The following TRABD2B variants were observed in gnomAD, a reference collection of about 807,000 sequenced individuals.
TRABD2B encodes the protein TraB domain containing 2B.
Under a neutral mutation model 40.1 loss-of-function variants are expected in TRABD2B, and 14 were observed. The observed-to-expected ratio is 0.35, with a 90% CI of 0.23 to 0.55. TRABD2B has a LOEUF of 0.55. TRABD2B is among the 20% of genes least tolerant of loss of function. The pLI is 0.90. For synonymous variants in TRABD2B, 263 were observed against 277.0 expected (o/e 0.95, Z 0.50); for missense variants, 541 against 648.6 (o/e 0.83, Z 1.80).
chr1:47,825,126 T>G (rs1375024241), intron 2 of TRABD2B, among the ~76,000 whole-genome samples: 6 of 152,198 alleles, frequency 3.9e-5, no homozygotes, highest in Non-Finnish European at 8.8e-5. Context: ...CAGAACAACA[T>G]GAGCAGGAAT....
chr1:47,837,185 T>A (rs936266384), intron 2 of TRABD2B, among the ~76,000 whole-genome samples: 1 of 152,056 alleles, frequency 6.6e-6, no homozygotes, highest in Non-Finnish European at 1.5e-5. Context: ...GCTGGTGGGA[T>A]CCAACCCTCT....
rs551897499 is a variant in TRABD2B at position 47,876,823 on chromosome 1, T to C, written c.667-75204A>G. Among the ~76,000 whole-genome samples the C allele has an allele frequency of 7.0e-4, 107 of 152,302 alleles. 1 individual carries two copies. The highest frequency in any genetic ancestry group is 3.4e-3 in the Middle Eastern group (1 of 292). ...TACGCACATACTAAGCACCAACTGTTTGCCAGGCACTGGGCTACATGCTAG... is the reference window on the plus strand; with the variant it reads ...TACGCACATACTAAGCACCAACTGTCTGCCAGGCACTGGGCTACATGCTAG... On this transcript the variant is annotated intron_variant, in intron 2 of 6. Coordinates refer to ENST00000606738, the MANE Select transcript of TRABD2B (RefSeq NM_001194986.2).
At position 47,934,237 on chromosome 1, in the gene TRABD2B, T is replaced by A. The variant is rs147318253; in HGVS notation, c.666+59797A>T. ...GGAGACTGCACAGCAGGTCCCTGAC[T>A]CCCCAGTCTCTGGTTCATCCCACCA... On this transcript the variant is annotated intron_variant, in intron 2 of 6. Transcript: ENST00000606738. 3.3e-5 allele frequency among the ~76,000 whole-genome samples: 5 copies of A among 152,334 alleles called. No homozygotes were observed. In the East Asian group the frequency reaches 9.6e-4, roughly 29 times the overall value.
chr1:47,810,968 C>T (rs970275009), intron 2 of TRABD2B, among the ~76,000 whole-genome samples: 1 of 152,182 alleles, frequency 6.6e-6, no homozygotes, highest in Non-Finnish European at 1.5e-5. Flanking sequence ...GGTGATGCTG[C>T]GTCAGCTCAT....
intron 2 of TRABD2B, among the ~76,000 whole-genome samples, chr1:47,852,213 G>A (rs529325807): frequency 2.0e-4 from 30 of 152,242 alleles, no homozygotes; most frequent in Admixed American, 1.6e-3. Flanking sequence ...CCCAGACTGC[G>A]GCCTGAGATA....
intron 2 of TRABD2B, among the ~76,000 whole-genome samples, chr1:47,966,953 G>A (rs1026550052): frequency 5.5e-5 from 4 of 72,354 alleles, no homozygotes; most frequent in Admixed American, 1.3e-4. Context: ...TAAAATAATC[G>A]GGTCAATCCT....
At chr1:47,771,768 C>T (rs1488111129) in intron 6 of TRABD2B, among the ~76,000 whole-genome samples, 1 of 152,234 alleles carries the variant, frequency 6.6e-6, no homozygotes, top group East Asian at 1.9e-4. Flanking sequence ...GCTTCGTCTG[C>T]CCTTTCCATG....
At chr1:47,925,685 C>T (rs1326700861) in intron 2 of TRABD2B, among the ~76,000 whole-genome samples, 2 of 152,244 alleles carry the variant, frequency 1.3e-5, no homozygotes, top group Non-Finnish European at 2.9e-5. Context: ...GTAAGTGTTT[C>T]TCTCAGAGTT....
At chr1:47,873,872 T>C (rs867460677) in intron 2 of TRABD2B, among the ~76,000 whole-genome samples, 2 of 152,140 alleles carry the variant, frequency 1.3e-5, no homozygotes, top group African/African-American at 4.8e-5. Context: ...ATAAAGTAGG[T>C]GTTTGCTTTT....
chr1:47,895,722 T>C (rs1018628714), intron 2 of TRABD2B, among the ~76,000 whole-genome samples: 5 of 152,216 alleles, frequency 3.3e-5, no homozygotes, highest in African/African-American at 2.4e-5. Flanking sequence ...TCTCCTGGAA[T>C]GACAGTGCCA....
At chr1:47,797,497 T>A (rs1195797803) in intron 3 of TRABD2B, among the ~76,000 whole-genome samples, 1 of 152,176 alleles carries the variant, frequency 6.6e-6, no homozygotes, top group Non-Finnish European at 1.5e-5. Context: ...CCTCCTCCTA[T>A]GCTTCCTGAC....
At chr1:47,820,222 G>A (rs1343390702) in intron 2 of TRABD2B, 1 of 152,204 alleles carries the variant, frequency 6.6e-6, no homozygotes, top group African/African-American at 2.4e-5. Flanking sequence ...CTCAATAAAT[G>A]TCGTGTGAAC....
intron 2 of TRABD2B, among the ~76,000 whole-genome samples, chr1:47,977,149 T>G (rs1388597799): frequency 1.3e-5 from 2 of 151,590 alleles, no homozygotes; most frequent in Non-Finnish European, 2.9e-5. Context: ...CTTGGCTCAC[T>G]GCAACCTCTG....
intron 2 of TRABD2B, among the ~76,000 whole-genome samples, chr1:47,912,109 A>G (rs1644770990): frequency 6.6e-6 from 1 of 152,246 alleles, no homozygotes; most frequent in South Asian, 2.1e-4. Flanking sequence ...TGGGGATCAG[A>G]GGCCAGAGGT....
chr1:47,871,516 G>A (rs543657934), intron 2 of TRABD2B, among the ~76,000 whole-genome samples: 2 of 152,312 alleles, frequency 1.3e-5, no homozygotes, highest in African/African-American at 4.8e-5. Context: ...TGAATGAACC[G>A]CCCTGAATGG....
intron 2 of TRABD2B, among the ~76,000 whole-genome samples, chr1:47,882,667 G>A (rs1385091783): frequency 6.6e-6 from 1 of 152,128 alleles, no homozygotes; most frequent in East Asian, 1.9e-4. Flanking sequence ...AAGGCCCTGG[G>A]TTTCAGTCCT....
At chr1:47,983,055 T>C (rs1353381555) in intron 2 of TRABD2B, among the ~76,000 whole-genome samples, 1 of 152,180 alleles carries the variant, frequency 6.6e-6, no homozygotes, top group Non-Finnish European at 1.5e-5. Context: ...GCAGCACTAT[T>C]CACAATAGCA....
At chr1:47,950,277 T>G (rs1183812890) in intron 2 of TRABD2B, among the ~76,000 whole-genome samples, 1 of 151,326 alleles carries the variant, frequency 6.6e-6, no homozygotes, top group African/African-American at 2.4e-5. Context: ...AGAGCAAGAC[T>G]CCGTCTCAAA....
rs556936446 is a variant in TRABD2B at position 47,950,242 on chromosome 1, G to A, written c.666+43792C>T. ...AGAGCTTGCAGTGAGCCGAGATCGGGCCACTGCACTCCAGCTTGGGCGATA... is the reference window on the plus strand; with the variant it reads ...AGAGCTTGCAGTGAGCCGAGATCGGACCACTGCACTCCAGCTTGGGCGATA... On this transcript the variant is annotated intron_variant, in intron 2 of 6. Coordinates refer to ENST00000606738, the MANE Select transcript of TRABD2B (RefSeq NM_001194986.2). Among the ~76,000 whole-genome samples the A allele has an allele frequency of 6.6e-5, 10 of 152,122 alleles. No homozygotes were observed. The East Asian group carries it at 1.7e-3, about 26-fold the overall frequency.
Sources: allele counts gnomAD v4.1 joint callset (sites outside exome capture counted in the v4.1 genomes callset), GRCh38; gene constraint gnomAD v4.1.1; transcripts MANE v1.5; gene names NCBI Gene and HGNC (gene_info 2026-07-23, HGNC 2026-07-21).